SMYD2: variants seen among roughly 807,000 people sequenced by gnomAD.
SMYD2 encodes the protein SET and MYND domain containing 2, also known as N-lysine methyltransferase SMYD2.
SMYD2 carries 53 observed loss-of-function variants against 59.1 expected under a neutral mutation model. That is an observed-to-expected ratio of 0.90 (90% CI 0.72 to 1.13). The LOEUF (loss-of-function observed/expected upper bound fraction) is 1.13, where lower values mean the gene tolerates loss of function less well. Among genes scored for constraint, SMYD2 ranks in the 50% most tolerant of loss-of-function variants. SMYD2 has a pLI of 0.00. For synonymous variants in SMYD2, 208 were observed against 198.8 expected (o/e 1.05, Z -0.39); for missense variants, 494 against 544.7 (o/e 0.91, Z 0.93).
chr1:214,291,667 G>T (rs1035084151), intron 1 of SMYD2, among the ~76,000 whole-genome samples: 2 of 152,108 alleles, frequency 1.3e-5, no homozygotes, highest in Non-Finnish European at 2.9e-5. Context: ...TCTTCCAGGG[G>T]TGTTGGCCAC....
chr1:214,314,934 G>C, intron 3 of SMYD2, 62 bp downstream of exon 3: 2 of 1,253,036 alleles, frequency 1.6e-6, no homozygotes, highest in Non-Finnish European at 1.2e-6. Flanking sequence ...AGGTCAGAAA[G>C]ATGAGTAACT....
rs570287942 is a variant in SMYD2 at position 214,318,421 on chromosome 1, C to G, written c.409+282C>G. ...GCTGGCCCTCTTGGCATGCTGAATA[C>G]TTTTGGATCTTTGCTGAATTGCGTC... On this transcript the variant is annotated intron_variant, in intron 4 of 11. Coordinates refer to ENST00000366957, the MANE Select transcript of SMYD2 (RefSeq NM_020197.3). This position sits in a 1 kb window ranked among gnomAD's most constrained non-coding sequence, Gnocchi z 5.4. Among the ~76,000 whole-genome samples, 2 of 152,252 alleles carry G rather than the reference C, an allele frequency of 1.3e-5. No homozygotes were observed. The highest frequency in any genetic ancestry group is 3.9e-4 in the East Asian group (2 of 5,184).
intron 1 of SMYD2, among the ~76,000 whole-genome samples, chr1:214,286,923 T>C (rs1656557978): frequency 6.6e-6 from 1 of 151,418 alleles, no homozygotes; most frequent in Non-Finnish European, 1.5e-5. Context: ...CAATCTCCGC[T>C]GTTCAAGTGA....
At chr1:214,317,251 A>C (rs1442415832) in intron 3 of SMYD2, among the ~76,000 whole-genome samples, 2 of 152,228 alleles carry the variant, frequency 1.3e-5, no homozygotes, top group African/African-American at 4.8e-5. Flanking sequence ...ACTACTACTA[A>C]TAGTGTATTA....
intron 1 of SMYD2, among the ~76,000 whole-genome samples, chr1:214,282,691 A>C (rs1656469546): frequency 6.6e-6 from 1 of 151,998 alleles, no homozygotes; most frequent in Non-Finnish European, 1.5e-5. Context: ...TCCCTGCCAG[A>C]ACTGTCTTCC....
At chr1:214,297,164 A>G (rs1017990024) in intron 1 of SMYD2, among the ~76,000 whole-genome samples, 2 of 152,178 alleles carry the variant, frequency 1.3e-5, no homozygotes, top group Admixed American at 6.5e-5. Context: ...GAGCTTTCTA[A>G]AAGTCCTAGT....
intron 1 of SMYD2, among the ~76,000 whole-genome samples, chr1:214,287,544 G>A (rs1327542798): frequency 7.7e-6 from 1 of 130,340 alleles, no homozygotes; most frequent in East Asian, 2.2e-4. Context: ...TTGAGAGTGC[G>A]CCACTGTACT....
chr1:214,328,622 C>T (rs910390119), intron 7 of SMYD2, among the ~76,000 whole-genome samples: 2 of 152,148 alleles, frequency 1.3e-5, no homozygotes, highest in Admixed American at 6.5e-5. Flanking sequence ...TGCTATTTTA[C>T]GGTGCATGCC....
At chr1:214,306,030 A>G (rs1656910223) in intron 2 of SMYD2, among the ~76,000 whole-genome samples, 1 of 152,174 alleles carries the variant, frequency 6.6e-6, no homozygotes, top group Admixed American at 6.5e-5. Flanking sequence ...CTAGTATGGC[A>G]TTGTGAATTT....
At position 214,281,389 on chromosome 1, in the gene SMYD2, C is replaced by T; in HGVS notation, c.135C>T (p.Val45=). Residue 45 remains valine (V), a synonymous_variant, in exon 1 of 12, where the codon GTC becomes GTT. Coordinates refer to ENST00000366957, the MANE Select transcript of SMYD2 (RefSeq NM_020197.3). ...SCPAYAYVLT[V]NERGNHCEYC... ...CGGCCTATGCCTACGTGCTCACGGT[C>T]AACGAGCGGGGCAACCACTGCGAGT... 2.7e-6 allele frequency: 4 copies of T among 1,467,298 alleles called. No homozygotes were observed. The highest frequency in any genetic ancestry group is 3.6e-6 in the Non-Finnish European group (4 of 1,104,194). The allele number at this position is 1,467,298 out of a possible 1,614,324, so 90.9% of individuals were successfully genotyped here. A position where few individuals can be genotyped will look rare whatever the true frequency, so the allele number is the denominator to read the frequency against.
intron 5 of SMYD2, among the ~76,000 whole-genome samples, chr1:214,321,686 A>G (rs545082732): frequency 2.6e-4 from 39 of 152,334 alleles, no homozygotes; most frequent in Non-Finnish European, 4.6e-4. Context: ...GAACATATGC[A>G]TGATTGGGAA....
At chr1:214,335,837 A>G (rs1018139342) in intron 11 of SMYD2, among the ~76,000 whole-genome samples, 3 of 152,192 alleles carry the variant, frequency 2.0e-5, no homozygotes, top group Admixed American at 6.5e-5. Context: ...TTGCCTCACT[A>G]TAAAGAAACC....
intron 2 of SMYD2, among the ~76,000 whole-genome samples, chr1:214,306,641 A>G (rs1037336721): frequency 6.6e-6 from 1 of 152,194 alleles, no homozygotes; most frequent in Non-Finnish European, 1.5e-5. Flanking sequence ...GAGTAGTGCA[A>G]CGGCATTGTA....
At chr1:214,303,573 C>G (rs925792864) in intron 1 of SMYD2, among the ~76,000 whole-genome samples, 1 of 152,166 alleles carries the variant, frequency 6.6e-6, no homozygotes, top group Non-Finnish European at 1.5e-5. Context: ...CCCCAAGACG[C>G]GTTTTTCTCC....
chr1:214,333,199 T>G (rs1411967260), intron 10 of SMYD2: 1 of 152,230 alleles, frequency 6.6e-6, no homozygotes, highest in Non-Finnish European at 1.5e-5. Flanking sequence ...AACCTTCCTT[T>G]TCTCCTAGAG....
intron 11 of SMYD2, among the ~76,000 whole-genome samples, chr1:214,335,993 T>A (rs1044568236): frequency 2.6e-5 from 4 of 152,192 alleles, no homozygotes; most frequent in African/African-American, 9.6e-5. Context: ...CAACTAAAAA[T>A]CAAAATAGCT....
At chr1:214,299,212 G>A (rs1048081448) in intron 1 of SMYD2, among the ~76,000 whole-genome samples, 2 of 152,118 alleles carry the variant, frequency 1.3e-5, no homozygotes, top group Non-Finnish European at 2.9e-5. Context: ...AAAAAGGAAC[G>A]CTTATACACT....
intron 3 of SMYD2, among the ~76,000 whole-genome samples, chr1:214,317,065 T>G (rs963852713): frequency 6.6e-6 from 1 of 152,154 alleles, no homozygotes; most frequent in South Asian, 2.1e-4. Flanking sequence ...TGGTAGACTT[T>G]CCTGAATGAA....
chr1:214,314,615 T>C (rs111507350), intron 2 of SMYD2, 147 bp from the exon 3 acceptor site: 9 of 628,298 alleles, frequency 1.4e-5, no homozygotes, highest in African/African-American at 5.5e-5. Flanking sequence ...TGTTTTTATC[T>C]CTAGCTTTTG....
Sources: gnomAD v4.1 joint callset for allele counts (sites outside exome capture counted in the v4.1 genomes callset) on GRCh38, gnomAD v4.1.1 for gene constraint, Gnocchi (gnomAD v3.1) non-coding constraint, MANE v1.5 for transcripts, NCBI Gene and HGNC (gene_info 2026-07-23, HGNC 2026-07-21) for gene names.